Variants in RCSD1 observed in about 807,000 individuals in gnomAD.
The protein encoded by RCSD1 is RCSD domain containing 1.
RCSD1 carries 26 observed loss-of-function variants against 42.5 expected under a neutral mutation model. The ratio of observed to expected loss-of-function variants is 0.61; its 90% CI spans 0.45 to 0.85. The LOEUF is 0.85. Ranked by LOEUF, RCSD1 falls within the 40% of genes least tolerant of loss-of-function variation. The pLI is 0.00. For missense variants in RCSD1, 571 were observed against 528.3 expected, an observed-to-expected ratio of 1.08 and a Z score of -0.79; for synonymous variants, 220 against 212.2, an observed-to-expected ratio of 1.04 and a Z score of -0.32.
In RCSD1 at chr1:167,644,912, A is replaced by T. The variant is rs147807927; in HGVS notation, c.6+14483A>T. 8.8e-3 allele frequency among the ~76,000 whole-genome samples: 1,342 copies of T among 152,320 alleles called. 11 individuals carry two copies. The highest frequency in any genetic ancestry group is 0.015 in the Admixed American group (234 of 15,296). On this transcript the variant is annotated intron_variant, in intron 1 of 6. Transcript: ENST00000367854. ...GCCAATAAGGGTATTCTGATTTCTC[A>T]CGTGGTCACATTACTTGTATTACAA...
chr1:167,678,228 A>G (rs543922471), intron 1 of RCSD1, among the ~76,000 whole-genome samples: 1 of 152,216 alleles, frequency 6.6e-6, no homozygotes, highest in Non-Finnish European at 1.5e-5. Context: ...ATTTCTAGCT[A>G]GTGACTCTCC....
At chr1:167,662,162 T>G (rs1658554006) in intron 1 of RCSD1, among the ~76,000 whole-genome samples, 1 of 152,216 alleles carries the variant, frequency 6.6e-6, no homozygotes, top group African/African-American at 2.4e-5. Flanking sequence ...ACCATGAGGC[T>G]TTCAAGCTGG....
At chr1:167,676,402 T>G (rs1210552161) in intron 1 of RCSD1, among the ~76,000 whole-genome samples, 3 of 152,202 alleles carry the variant, frequency 2.0e-5, no homozygotes, top group Non-Finnish European at 4.4e-5. Flanking sequence ...GGATGATAGA[T>G]GTTAATGGCC....
intron 1 of RCSD1, among the ~76,000 whole-genome samples, chr1:167,658,924 A>G (rs1388248596): frequency 2.0e-5 from 3 of 151,934 alleles, no homozygotes; most frequent in Non-Finnish European, 1.5e-5. Flanking sequence ...GGTGAGCTGA[A>G]GGGTTTGTGT....
At chr1:167,635,580 C>T (rs150914798) in intron 1 of RCSD1, among the ~76,000 whole-genome samples, 1 of 152,242 alleles carries the variant, frequency 6.6e-6, no homozygotes, top group South Asian at 2.1e-4. Context: ...TGAACACTGG[C>T]GGCTCAGCAG....
chr1:167,663,975 G>T (rs1298813703), intron 1 of RCSD1: 1 of 152,322 alleles, frequency 6.6e-6, no homozygotes, highest in South Asian at 2.1e-4. Context: ...GGAAACTAAG[G>T]CTCAATAAGG....
chr1:167,677,565 G>A (rs1658982058), intron 1 of RCSD1, among the ~76,000 whole-genome samples: 1 of 152,238 alleles, frequency 6.6e-6, no homozygotes, highest in East Asian at 1.9e-4. Context: ...GGTGTGGGTA[G>A]ATAAGAGACA....
intron 1 of RCSD1, among the ~76,000 whole-genome samples, chr1:167,643,763 T>C (rs1203725417): frequency 6.6e-6 from 1 of 152,232 alleles, no homozygotes; most frequent in Non-Finnish European, 1.5e-5. Flanking sequence ...TGTTGTGAGG[T>C]GTAAATGAGT....
chr1:167,677,882 TG>T (rs1409701751), intron 1 of RCSD1, among the ~76,000 whole-genome samples: 1 of 152,236 alleles, frequency 6.6e-6, no homozygotes, highest in African/African-American at 2.4e-5. Flanking sequence ...GGAAAAATTA[TG>T]AGGGGGGTAT....
chr1:167,642,217 C>T (rs1658023643), intron 1 of RCSD1, among the ~76,000 whole-genome samples: 1 of 152,150 alleles, frequency 6.6e-6, no homozygotes, highest in Non-Finnish European at 1.5e-5. Flanking sequence ...TTGTTAGTGG[C>T]CTGATAGAGT....
intron 3 of RCSD1, among the ~76,000 whole-genome samples, chr1:167,689,226 G>C (rs144611893): frequency 1.6e-4 from 25 of 152,106 alleles, no homozygotes; most frequent in African/African-American, 5.8e-4. Context: ...GGTGGCTCAC[G>C]CCTGTAATCC....
chr1:167,690,519 T>C (rs1033386991), intron 4 of RCSD1, among the ~76,000 whole-genome samples: 1 of 151,826 alleles, frequency 6.6e-6, no homozygotes, highest in Non-Finnish European at 1.5e-5. Context: ...ACAAAAAATT[T>C]TAAAATTAGC....
chr1:167,690,500 A>G (rs2101714952), intron 4 of RCSD1, among the ~76,000 whole-genome samples: 2 of 152,172 alleles, frequency 1.3e-5, no homozygotes, highest in Non-Finnish European at 2.9e-5. Flanking sequence ...ATAGTGAGAC[A>G]CTATCTCTAC....
At chr1:167,696,304 G>A (rs781659914) in intron 5 of RCSD1, among the ~76,000 whole-genome samples, 1 of 152,026 alleles carries the variant, frequency 6.6e-6, no homozygotes, top group Non-Finnish European at 1.5e-5. Flanking sequence ...TGGATAGGAA[G>A]CATTTTGCAT....
intron 1 of RCSD1, among the ~76,000 whole-genome samples, chr1:167,668,015 G>A (rs1658700788): frequency 6.6e-6 from 1 of 152,110 alleles, no homozygotes; most frequent in African/African-American, 2.4e-5. Flanking sequence ...CTCGGGCCAG[G>A]TGTGATGGCT....
chr1:167,678,421 A>T (rs913846262), intron 1 of RCSD1, among the ~76,000 whole-genome samples: 1 of 124,786 alleles, frequency 8.0e-6, no homozygotes, highest in Admixed American at 9.1e-5. Context: ...CTTTCAACCC[A>T]GAAGCAAATA....
chr1:167,688,620 ATCCT>A (rs2101713034), intron 3 of RCSD1, among the ~76,000 whole-genome samples: 1 of 152,296 alleles, frequency 6.6e-6, no homozygotes, highest in East Asian at 1.9e-4. Context: ...AGGAGTGGGG[ATCCT>A]GTAAGTCCAG....
At chr1:167,700,317 A>G (rs753629368) in intron 6 of RCSD1, among the ~76,000 whole-genome samples, 1 of 152,152 alleles carries the variant, frequency 6.6e-6, no homozygotes, top group Non-Finnish European at 1.5e-5. Flanking sequence ...CCCCTGGGTT[A>G]AGTTGTTAGG....
intron 1 of RCSD1, among the ~76,000 whole-genome samples, chr1:167,639,564 C>A (rs1330451700): frequency 6.6e-6 from 1 of 152,126 alleles, no homozygotes; most frequent in Non-Finnish European, 1.5e-5. Flanking sequence ...GCAATCTCGG[C>A]TCACTGCAAC....
Sources: gnomAD v4.1 joint callset for allele counts (sites outside exome capture counted in the v4.1 genomes callset) on GRCh38, gnomAD v4.1.1 for gene constraint, MANE v1.5 for transcripts, NCBI Gene and HGNC (gene_info 2026-07-23, HGNC 2026-07-21) for gene names.